TAF7L: variants seen among roughly 807,000 people sequenced by gnomAD.
TAF7L encodes the protein TATA-box binding protein associated factor 7 like, also known as transcription initiation factor TFIID subunit 7-like.
TAF7L carries 6 observed loss-of-function variants against 30.2 expected under a neutral mutation model. That is an observed-to-expected ratio of 0.20 (90% CI 0.11 to 0.39). The LOEUF (loss-of-function observed/expected upper bound fraction) is 0.39, where lower values mean the gene tolerates loss of function less well. TAF7L is among the 10% of genes least tolerant of loss of function. The pLI is 1.00. For synonymous variants in TAF7L, 93 were observed against 94.5 expected (o/e 0.98, Z 0.09); for missense variants, 284 against 277.1 (o/e 1.03, Z -0.18).
chrX:101,272,290 A>G (rs961001376), intron 12 of TAF7L, among the ~76,000 whole-genome samples: 1 of 111,132 alleles, frequency 9.0e-6, no homozygotes. Context: ...AATTGACCCA[A>G]CTCCTGTCAA....
chrX:101,285,920 C>T (rs1374834357), intron 3 of TAF7L, among the ~76,000 whole-genome samples: 2 of 111,474 alleles, frequency 1.8e-5, no homozygotes, highest in East Asian at 2.8e-4. Flanking sequence ...CGGTGGCTCA[C>T]GCCTGTAATC....
At chrX:101,287,836 G>A (rs909621518) in intron 1 of TAF7L, 7 of 211,956 alleles carry the variant, frequency 3.3e-5, no homozygotes, top group South Asian at 1.9e-4. Flanking sequence ...ACATGATTTC[G>A]TCTTCTTAAT....
At chrX:101,274,677 C>G (rs748344106) in intron 12 of TAF7L, among the ~76,000 whole-genome samples, 19 of 111,375 alleles carry the variant, frequency 1.7e-4, no homozygotes, top group Admixed American at 1.6e-3. Flanking sequence ...GTGCCCTGAG[C>G]TGCTGGGATA....
intron 3 of TAF7L, among the ~76,000 whole-genome samples, chrX:101,286,035 G>C (rs1233940796): frequency 9.1e-6 from 1 of 110,321 alleles, no homozygotes; most frequent in Non-Finnish European, 1.9e-5. Flanking sequence ...ACAAAACTTA[G>C]CCGGGCATGG....
At chrX:101,282,956 C>T (rs755219929) in intron 4 of TAF7L, among the ~76,000 whole-genome samples, 1 of 110,349 alleles carries the variant, frequency 9.1e-6, no homozygotes, top group Admixed American at 9.7e-5. Flanking sequence ...GAGATGAGGT[C>T]TCACTATGTT....
rs763415563 is a variant in TAF7L, at chrX:101,274,095, C to T, written c.1086+1127G>A. On this transcript the variant is annotated intron_variant, in intron 12 of 12. Coordinates refer to ENST00000356784, the MANE Select transcript of TAF7L (RefSeq NM_001168474.2). Reference sequence around the variant, plus strand: ...TGAATAACATCGTTTTGTCCAATGTCGTTTTGTTACAGTAAGTCCTCACTT... The same window carrying T: ...TGAATAACATCGTTTTGTCCAATGTTGTTTTGTTACAGTAAGTCCTCACTT... 2.7e-5 allele frequency among the ~76,000 whole-genome samples: 3 copies of T among 112,346 alleles called. No homozygotes were observed. The East Asian group carries it at 8.3e-4, about 31-fold the overall frequency.
rs1235180881 is a variant in TAF7L at position 101,272,768 on chromosome X, T to C, written c.1086+2454A>G. Among the ~76,000 whole-genome samples, 3 of 111,361 alleles carry C rather than the reference T, an allele frequency of 2.7e-5. No homozygotes were observed. In the East Asian group the frequency reaches 8.5e-4, roughly 31 times the overall value. On this transcript the variant is annotated intron_variant, in intron 12 of 12. Coordinates refer to ENST00000356784, the MANE Select transcript of TAF7L (RefSeq NM_001168474.2). The stretch of plus-strand genomic sequence containing the variant: ...AAGCCACTGAATTGTATAGTTTAAA[T>C]GGGTGACTTGTCGGGGGTGGGGAGG...
intron 6 of TAF7L, among the ~76,000 whole-genome samples, chrX:101,279,824 C>A (rs940190752): frequency 9.1e-6 from 1 of 110,491 alleles, no homozygotes; most frequent in Admixed American, 9.8e-5. Flanking sequence ...TAAAACCAAG[C>A]CCAACTGATA....
intron 3 of TAF7L, among the ~76,000 whole-genome samples, chrX:101,284,886 A>G (rs1216107707): frequency 1.4e-4 from 15 of 110,263 alleles, no homozygotes; most frequent in African/African-American, 4.9e-4. Context: ...TTACTTATTT[A>G]CTTATTTATT....
chrX:101,276,216 T>C (rs3761514), intron 10 of TAF7L, 91 bp downstream of exon 10: 411,662 of 1,183,917 alleles, frequency 0.35, 49,725 homozygotes, highest in Middle Eastern at 0.42. Context: ...GATAACTTCT[T>C]GAGCTTAGCT....
At chrX:101,278,146 G>C in intron 7 of TAF7L, 25 bp from the exon 8 acceptor site, 1 of 1,149,221 alleles carries the variant, frequency 8.7e-7, no homozygotes, top group Non-Finnish European at 1.2e-6. Context: ...GGGATTAGAG[G>C]GGGATACCAA....
chrX:101,278,180 G>A, intron 7 of TAF7L, 59 bp from the exon 8 acceptor site: 1 of 932,422 alleles, frequency 1.1e-6, no homozygotes, highest in Non-Finnish European at 1.6e-6. Context: ...CACCCTGTGT[G>A]TTGCAGGAGT....
intron 12 of TAF7L, 51 bp downstream of exon 12, chrX:101,275,171 G>A: frequency 1.1e-6 from 1 of 901,420 alleles, no homozygotes; most frequent in South Asian, 2.2e-5. Context: ...TTGAAGTGGG[G>A]GATTCTCTGT....
chrX:101,292,785 C>T (rs1465907624), upstream of TAF7L: 4 of 1,201,958 alleles, frequency 3.3e-6, no homozygotes, highest in Admixed American at 8.9e-5. Context: ...TAAAAAACCA[C>T]CTACCTTTCC....
upstream of TAF7L, among the ~76,000 whole-genome samples, chrX:101,292,159 A>G (rs1353088716): frequency 6.0e-5 from 6 of 100,426 alleles, no homozygotes; most frequent in African/African-American, 2.2e-4. Flanking sequence ...GAATGGCGTG[A>G]ACCCGGGAGG....
In TAF7L at chrX:101,277,654, A is replaced by G; in HGVS notation, c.643T>C (p.Leu215=). Residue 215 remains leucine, a synonymous_variant, in exon 9 of 13, where the codon TTG becomes CTG. Transcript: ENST00000356784. ...TGGCTGCTCATTCCCGAGGATATCAAAAATCCTGGGATGGAGCCTTGACTT... is the reference window on the plus strand; with the variant it reads ...TGGCTGCTCATTCCCGAGGATATCAGAAATCCTGGGATGGAGCCTTGACTT... ...IESQGSIPGF[L]ISSGMSSHKQ... 1 of 1,205,610 alleles carries G rather than the reference A, an allele frequency of 8.3e-7. No individual in the cohort carries two copies. The highest frequency in any genetic ancestry group is 1.1e-6 in the Non-Finnish European group (1 of 893,639).
chrX:101,282,105 C>G lies in TAF7L; in HGVS notation c.406+222G>C, dbSNP rs5991984. Among the ~76,000 whole-genome samples, 464 of 110,375 alleles carry G rather than the reference C, an allele frequency of 4.2e-3. 5 individuals are homozygous for G. The highest frequency in any genetic ancestry group is 0.015 in the African/African-American group (454 of 30,328). On this transcript the variant is annotated intron_variant, in intron 5 of 12. Coordinates refer to ENST00000356784, the MANE Select transcript of TAF7L (RefSeq NM_001168474.2). ...TTCACCATGTTGGCCAAGCTGGTCT[C>G]GAACTCCTGACCTCAGGTGATCCAC...
At chrX:101,275,680 C>T (rs746363171) in intron 11 of TAF7L, among the ~76,000 whole-genome samples, 3 of 111,434 alleles carry the variant, frequency 2.7e-5, no homozygotes, top group Admixed American at 9.5e-5. Context: ...ACAGTATTTA[C>T]GTTTCAAGGA....
chrX:101,292,662 A>G (rs34574437), upstream of TAF7L: 233,092 of 783,395 alleles, frequency 0.3, 27,340 homozygotes, highest in East Asian at 0.66. Flanking sequence ...GGAGAGGGAC[A>G]CAGGTTACGT....
Sources: gnomAD v4.1 joint callset for allele counts (sites outside exome capture counted in the v4.1 genomes callset) on GRCh38, gnomAD v4.1.1 for gene constraint, MANE v1.5 for transcripts, NCBI Gene and HGNC (gene_info 2026-07-23, HGNC 2026-07-21) for gene names.